Variants in ZNF532 observed in about 807,000 individuals in gnomAD.
ZNF532 encodes the protein zinc finger protein 532.
In ZNF532, 22 loss-of-function variants were observed where a neutral mutation model predicts 89.3. That is an observed-to-expected ratio of 0.25 (90% CI 0.18 to 0.35). ZNF532 has a LOEUF of 0.35. ZNF532 is among the 10% of genes least tolerant of loss of function. The pLI is 1.00. For synonymous variants in ZNF532, 606 were observed against 649.6 expected, an observed-to-expected ratio of 0.93 and a Z score of 1.02; for missense variants, 1,132 against 1,643.4, an observed-to-expected ratio of 0.69 and a Z score of 5.38.
At chr18:58,887,597 G>A (rs992474462) in intron 2 of ZNF532, among the ~76,000 whole-genome samples, 8 of 152,114 alleles carry the variant, frequency 5.3e-5, no homozygotes, top group African/African-American at 1.9e-4. Context: ...GGGAGAAGAG[G>A]GGAAGAAAGA....
At chr18:58,937,570 C>A (rs541397197) in intron 4 of ZNF532, among the ~76,000 whole-genome samples, 17 of 152,234 alleles carry the variant, frequency 1.1e-4, no homozygotes, top group Admixed American at 4.6e-4. Context: ...CTCTGTATTC[C>A]TTTTTGTCCT....
rs1029341986 is a variant in ZNF532 at position 58,954,368 on chromosome 18, A to C, written c.3150+569A>C. ...ATGTCTCCAACTGATAAGGAATTTA[A>C]AAAATACTTATTAGACCTAATAATA... On this transcript the variant is annotated intron_variant, in intron 7 of 9. Transcript: ENST00000591808. 1.0e-5 allele frequency: 6 copies of C among 591,270 alleles called. No individual in the cohort carries two copies. The African/African-American group carries it at 1.2e-4, about 12-fold the overall frequency. 36.6% of individuals were successfully genotyped at this position (591,270 alleles called of 1,614,324 possible).
chr18:58,983,660 A>G (rs974494093), intron 9 of ZNF532, among the ~76,000 whole-genome samples: 1 of 151,864 alleles, frequency 6.6e-6, no homozygotes, highest in East Asian at 1.9e-4. Flanking sequence ...GGTCTGACAT[A>G]CTGCATATTT....
At chr18:58,978,554 T>A (rs2147639706) in intron 7 of ZNF532, among the ~76,000 whole-genome samples, 1 of 152,300 alleles carries the variant, frequency 6.6e-6, no homozygotes, top group African/African-American at 2.4e-5. Context: ...TTTACCCTTA[T>A]GATAGTTTAA....
At position 58,984,837 on chromosome 18, in the gene ZNF532, T is replaced by C. The variant is rs2068241918; in HGVS notation, c.*371T>C. ...GAATTCAAATAAACCATTTTGTATGTTTGGATTTTGAATGGGTTAACTAAT... is the reference window on the plus strand; with the variant it reads ...GAATTCAAATAAACCATTTTGTATGCTTGGATTTTGAATGGGTTAACTAAT... On this transcript the variant is annotated 3_prime_UTR_variant, in exon 10 of 10. Transcript: ENST00000591808. The C allele has an allele frequency of 1.2e-5, 2 of 166,886 alleles. No homozygotes were observed. Among genetic ancestry groups the C allele is most frequent in the Non-Finnish European group, 2.6e-5 (2 of 75,992 alleles). 10.3% of individuals were successfully genotyped at this position (166,886 alleles called of 1,614,324 possible).
chr18:58,954,164 G>GA (rs2064510347), intron 7 of ZNF532: 9 of 976,490 alleles, frequency 9.2e-6, no homozygotes, highest in Non-Finnish European at 1.1e-5. Context: ...AGCAGAGAAA[G>GA]ACAGTGGAAA....
chr18:58,959,015 A>G (rs150424579), intron 7 of ZNF532, among the ~76,000 whole-genome samples: 1 of 152,312 alleles, frequency 6.6e-6, no homozygotes, highest in African/African-American at 2.4e-5. Context: ...ACATTCTGTA[A>G]TTATGTGAGC....
chr18:58,938,360 TTG>T (rs942631984), intron 4 of ZNF532, among the ~76,000 whole-genome samples: 1 of 152,188 alleles, frequency 6.6e-6, no homozygotes, highest in Non-Finnish European at 1.5e-5. Flanking sequence ...CTTAGAGTCT[TTG>T]TGTGAAAAAG....
rs374590984 is a variant in ZNF532, at chr18:58,918,824, C to T, written c.537C>T (p.Leu179=). ...AGGACTACGATAAGCTGAAGGCACT[C>T]GGAGGGGAAAACTCCAGCAAAACTG... ...PQQDYDKLKA[L]GGENSSKTGL... is the part of the protein sequence containing the mutation. Residue 179 remains leucine (L), a synonymous_variant, in exon 3 of 10, where the codon CTC becomes CTT. Coordinates refer to ENST00000591808, the MANE Select transcript of ZNF532 (RefSeq NM_001375912.1). 1.7e-4 allele frequency: 267 copies of T among 1,613,936 alleles called. No homozygotes were observed. Among genetic ancestry groups the T allele is most frequent in the Non-Finnish European group, 2.0e-4 (237 of 1,180,022 alleles).
At chr18:58,865,639 AGACG>A (rs2056382596) in intron 2 of ZNF532, 60 bp downstream of exon 2, 1 of 152,734 alleles carries the variant, frequency 6.5e-6, no homozygotes, top group African/African-American at 2.4e-5. Context: ...ATTTAGACAC[AGACG>A]GACCGTGGAT....
chr18:58,901,958 C>G (rs923980982), intron 2 of ZNF532, among the ~76,000 whole-genome samples: 10 of 152,172 alleles, frequency 6.6e-5, no homozygotes, highest in African/African-American at 2.4e-4. Flanking sequence ...GGAGTAGACA[C>G]CTTAACAGCA....
chr18:58,934,003 T>A (rs2062165987), intron 3 of ZNF532, among the ~76,000 whole-genome samples: 3 of 152,216 alleles, frequency 2.0e-5, no homozygotes, highest in Admixed American at 2.0e-4. Context: ...TGGATTAGCT[T>A]CTAATTAATT....
intron 5 of ZNF532, among the ~76,000 whole-genome samples, chr18:58,945,461 G>T (rs1476255640): frequency 1.3e-5 from 2 of 152,100 alleles, no homozygotes; most frequent in Non-Finnish European, 2.9e-5. Flanking sequence ...TGTGGGGAGG[G>T]ATTCTAATAT....
chr18:58,939,890 G>T, intron 5 of ZNF532: 1 of 256,082 alleles, frequency 3.9e-6, no homozygotes. Flanking sequence ...TTTTTCTTAA[G>T]ATGAATTTTT....
chr18:58,944,852 G>A (rs1261575268), intron 5 of ZNF532, among the ~76,000 whole-genome samples: 1 of 152,164 alleles, frequency 6.6e-6, no homozygotes, highest in African/African-American at 2.4e-5. Flanking sequence ...TTCCTCGGTT[G>A]TTAGCGTTGC....
chr18:58,905,782 C>T (rs2059899633), intron 2 of ZNF532, among the ~76,000 whole-genome samples: 1 of 152,180 alleles, frequency 6.6e-6, no homozygotes, highest in Non-Finnish European at 1.5e-5. Flanking sequence ...TAGTTTTTAC[C>T]TATTGTCCTT....
rs533010576 is a variant in ZNF532, at chr18:58,944,245, G to A, written c.2706-3822G>A. 1.5e-3 allele frequency among the ~76,000 whole-genome samples: 233 copies of A among 152,174 alleles called. 1 individual carries two copies. The highest frequency in any genetic ancestry group is 2.4e-3 in the Non-Finnish European group (165 of 68,044). On this transcript the variant is annotated intron_variant, in intron 5 of 9. Coordinates refer to ENST00000591808, the MANE Select transcript of ZNF532 (RefSeq NM_001375912.1). ...CTTTTATTTATTTGTTGTGACACCT[G>A]TTTGAAGTATTCTGGAGAGTTTGTT...
chr18:58,947,233 G>A (rs761054424), intron 5 of ZNF532, among the ~76,000 whole-genome samples: 1 of 152,264 alleles, frequency 6.6e-6, no homozygotes, highest in East Asian at 1.9e-4. Flanking sequence ...TCAAATGACC[G>A]AACACACATC....
intron 2 of ZNF532, among the ~76,000 whole-genome samples, chr18:58,869,735 A>ATTTGTTTG (rs1233648395): frequency 1.4e-5 from 2 of 143,346 alleles, no homozygotes; most frequent in Non-Finnish European, 3.0e-5. Context: ...ATTTTGGAAG[A>ATTTGTTTG]TTTGTTTGGA....
Sources: allele counts gnomAD v4.1 joint callset (sites outside exome capture counted in the v4.1 genomes callset), GRCh38; gene constraint gnomAD v4.1.1; transcripts MANE v1.5; gene names NCBI Gene and HGNC (gene_info 2026-07-23, HGNC 2026-07-21).